The following DGKH variants were observed in gnomAD, a reference collection of about 807,000 sequenced individuals.
DGKH encodes the protein diacylglycerol kinase eta.
In DGKH, 90 loss-of-function variants were observed where a neutral mutation model predicts 159.3. The ratio of observed to expected loss-of-function variants is 0.57; its 90% CI spans 0.48 to 0.67. The LOEUF (loss-of-function observed/expected upper bound fraction) is 0.67, where lower values mean the gene tolerates loss of function less well. Among genes scored for constraint, DGKH ranks in the 30% least tolerant of loss-of-function variants. The pLI, the probability that DGKH is intolerant of heterozygous loss-of-function variation, is 0.00. For missense variants in DGKH, 1,181 were observed against 1,506.1 expected (o/e 0.78, Z 3.57); for synonymous variants, 536 against 553.8 (o/e 0.97, Z 0.45).
Position 42,235,814 on chromosome 13 carries a change from G to C in DGKH, c.*6626G>C, listed in dbSNP as rs1958402382. The stretch of plus-strand genomic sequence containing the variant: ...AATATAATTATTTTCAAATCTTCAA[G>C]TAAGTTGTATCGAATGTTTTTCTTC... On this transcript the variant is annotated 3_prime_UTR_variant, in exon 30 of 30. Coordinates refer to ENST00000337343, the MANE Select transcript of DGKH (RefSeq NM_178009.5). 6.6e-6 allele frequency: 1 copy of C among 152,124 alleles called. No homozygotes were observed. The highest frequency in any genetic ancestry group is 1.5e-5 in the Non-Finnish European group (1 of 68,002). The allele number at this position is 152,124 out of a possible 1,614,324, so 9.4% of individuals were successfully genotyped here.
chr13:42,253,462 A>G (rs1030421864), intron 30 of DGKH, among the ~76,000 whole-genome samples: 3 of 152,220 alleles, frequency 2.0e-5, no homozygotes, highest in Admixed American at 1.3e-4. Context: ...TATGAAAGAA[A>G]TGTTTATTTA....
At chr13:42,124,001 T>C (rs1233590178) in intron 1 of DGKH, among the ~76,000 whole-genome samples, 1 of 152,216 alleles carries the variant, frequency 6.6e-6, no homozygotes, top group Non-Finnish European at 1.5e-5. Context: ...CATATCAAAT[T>C]GTATACTTTA....
At chr13:42,192,972 T>A (rs991829934) in intron 16 of DGKH, among the ~76,000 whole-genome samples, 2 of 152,204 alleles carry the variant, frequency 1.3e-5, no homozygotes, top group African/African-American at 2.4e-5. Flanking sequence ...GACTTCTCTT[T>A]TAAAAACCTA....
chr13:42,199,466 A>G, intron 18 of DGKH, 100 bp from the exon 19 acceptor site: 1 of 794,208 alleles, frequency 1.3e-6, no homozygotes, highest in Non-Finnish European at 1.9e-6. Flanking sequence ...CTGCTATAAA[A>G]TGAAAGCTTA....
At position 42,082,839 on chromosome 13, in the gene DGKH, C is replaced by T. The variant is rs1031460133; in HGVS notation, c.192+33874C>T. Among the ~76,000 whole-genome samples, 15 of 152,330 alleles carry T rather than the reference C, an allele frequency of 9.8e-5. No homozygotes were observed. In the East Asian group the frequency reaches 2.9e-3, roughly 29 times the overall value. On this transcript the variant is annotated intron_variant, in intron 1 of 29. Transcript: ENST00000337343. ...TTGTCAATTTATATTTGTTTCCCCA[C>T]TAAAGCCTCCAAACCTTGCTTGTTT...
chr13:42,120,907 A>G (rs1157425127), intron 1 of DGKH, among the ~76,000 whole-genome samples: 2 of 152,140 alleles, frequency 1.3e-5, no homozygotes. Flanking sequence ...TGATCCAACC[A>G]AAGTTATGAA....
At chr13:42,128,424 T>A (rs1310980457) in intron 2 of DGKH, among the ~76,000 whole-genome samples, 2 of 152,182 alleles carry the variant, frequency 1.3e-5, no homozygotes, top group Admixed American at 1.3e-4. Context: ...CCATGTAAAA[T>A]AATCTTATTT....
At chr13:42,165,199 AT>A (rs1457874741) in intron 7 of DGKH, 131 bp from the exon 8 acceptor site, 10 of 475,418 alleles carry the variant, frequency 2.1e-5, no homozygotes, top group African/African-American at 1.6e-4. Context: ...ATGTTATACC[AT>A]TTAAAGTAGT....
rs530010321 is a variant in DGKH, at chr13:42,070,778, T to C, written c.192+21813T>C. 1.1e-4 allele frequency: 168 copies of C among 1,554,458 alleles called. No homozygotes were observed. In the East Asian group the frequency reaches 1.9e-3, roughly 18 times the overall value. On this transcript the variant is annotated intron_variant, in intron 1 of 29. Transcript: ENST00000337343. Reference sequence around the variant, plus strand: ...TCTGTCTTCATGTACTCCTGAACAATGTAAACACTGTTTAGTTCCGTAAGA... The same window carrying C: ...TCTGTCTTCATGTACTCCTGAACAACGTAAACACTGTTTAGTTCCGTAAGA...
At chr13:42,081,896 A>AG (rs1954208032) in intron 1 of DGKH, among the ~76,000 whole-genome samples, 1 of 152,128 alleles carries the variant, frequency 6.6e-6, no homozygotes, top group Non-Finnish European at 1.5e-5. Context: ...CACTGTTCCC[A>AG]GGCCCTCTCA....
At chr13:42,080,198 T>C (rs1197608061) in intron 1 of DGKH, among the ~76,000 whole-genome samples, 1 of 152,246 alleles carries the variant, frequency 6.6e-6, no homozygotes, top group African/African-American at 2.4e-5. Flanking sequence ...GCCCTTTTTA[T>C]TGTATGCTTT....
At chr13:42,051,785 C>T (rs540067548) in intron 1 of DGKH, among the ~76,000 whole-genome samples, 2 of 151,588 alleles carry the variant, frequency 1.3e-5, no homozygotes, top group East Asian at 3.9e-4. Context: ...CCTGCCTCAG[C>T]CTCCCGAGTA....
At chr13:42,223,145 G>T (rs561504139) in intron 29 of DGKH, among the ~76,000 whole-genome samples, 50 of 152,288 alleles carry the variant, frequency 3.3e-4, no homozygotes, top group Non-Finnish European at 6.0e-4. Flanking sequence ...TTCACAGAAA[G>T]AGTCTTCTGT....
intron 1 of DGKH, among the ~76,000 whole-genome samples, chr13:42,114,019 C>T (rs888368615): frequency 1.3e-5 from 2 of 152,166 alleles, no homozygotes; most frequent in African/African-American, 4.8e-5. Context: ...TAATTTCACT[C>T]TCTACAAATA....
At position 42,256,376 on chromosome 13, in the gene DGKH, C is replaced by G. The variant is rs1325741358; in HGVS notation, n.4220C>G. The G allele has an allele frequency of 5.7e-6, 9 of 1,585,980 alleles. No individual in the cohort carries two copies. In the African/African-American group the frequency reaches 1.2e-4, roughly 21 times the overall value. ...TGAGTCTCAAATGTTGGTGACAGCT[C>G]TCAATCCTCGTATAGCGTATGACAA... On this transcript the variant is annotated non_coding_transcript_exon_variant, in exon 31 of 31. Coordinates refer to the DGKH transcript ENST00000498255.
chr13:42,238,857 G>T lies in DGKH; in HGVS notation c.*9669G>T, dbSNP rs1594263761. On this transcript the variant is annotated 3_prime_UTR_variant, in exon 30 of 30. Transcript: ENST00000337343. ...GATTTTTACATGACATTTGAATTCT[G>T]TCACTATCTGATTCTTGACCTAAAG... 1 of 152,182 alleles carries T rather than the reference G, an allele frequency of 6.6e-6. No homozygotes were observed. Among genetic ancestry groups the T allele is most frequent in the Non-Finnish European group, 1.5e-5 (1 of 67,978 alleles). 9.4% of individuals were successfully genotyped at this position (152,182 alleles called of 1,614,324 possible).
At chr13:42,244,893 G>A (rs1214236336), downstream of DGKH, among the ~76,000 whole-genome samples, 2 of 99,276 alleles carry the variant, frequency 2.0e-5, no homozygotes, top group Non-Finnish European at 3.6e-5. Context: ...GACAGAGCGA[G>A]ACTCCGTCTC....
chr13:42,250,386 G>A lies in DGKH; in HGVS notation n.4055-2023G>A, dbSNP rs1019670616. On this transcript the variant is annotated intron_variant and non_coding_transcript_variant, in intron 29 of 30. Coordinates refer to the DGKH transcript ENST00000498255. The stretch of plus-strand genomic sequence containing the variant: ...ATTGTATAATGATCAAATCAGGATA[G>A]TTAACATGTCCATCACCTCGAACCT... Among the ~76,000 whole-genome samples, 5 of 152,238 alleles carry A rather than the reference G, an allele frequency of 3.3e-5. No homozygotes were observed. The East Asian group carries it at 5.8e-4, about 18-fold the overall frequency.
rs534736380 is a variant in DGKH, at chr13:42,076,571, T to TA, written c.192+27607dup. Among the ~76,000 whole-genome samples the TA allele has an allele frequency of 2.4e-3, 363 of 152,318 alleles. 2 individuals are homozygous for TA. The highest frequency in any genetic ancestry group is 8.4e-3 in the African/African-American group (348 of 41,582). ...TTTATTGCCCATTTTCCAGAAATCT[T>TA]ACTGCTATTCAAGTTTAGGTTAACC... On this transcript the variant is annotated intron_variant, in intron 1 of 29. Transcript: ENST00000337343.
Sources: allele counts gnomAD v4.1 joint callset (sites outside exome capture counted in the v4.1 genomes callset), GRCh38; gene constraint gnomAD v4.1.1; transcripts MANE v1.5; gene names NCBI Gene and HGNC (gene_info 2026-07-23, HGNC 2026-07-21).